Variants in CDH20 observed in about 807,000 individuals in gnomAD.
CDH20 encodes the protein cadherin 20, also known as cadherin-20.
Under a neutral mutation model 74.2 loss-of-function variants are expected in CDH20, and 29 were observed. The ratio of observed to expected loss-of-function variants is 0.39; its 90% confidence interval spans 0.29 to 0.53. CDH20 has a LOEUF of 0.53. Ranked by LOEUF, CDH20 falls within the 20% of genes least tolerant of loss-of-function variation. CDH20 has a pLI of 0.69. For missense variants in CDH20, 988 were observed against 1,048.3 expected (o/e 0.94, Z 0.79); for synonymous variants, 469 against 405.4 (o/e 1.16, Z -1.88).
intron 1 of CDH20, among the ~76,000 whole-genome samples, chr18:61,460,840 G>A (rs1195966662): frequency 2.0e-5 from 3 of 152,140 alleles, no homozygotes; most frequent in Non-Finnish European, 4.4e-5. Context: ...GACACAAATA[G>A]TGACTGTCAG....
intron 1 of CDH20, among the ~76,000 whole-genome samples, chr18:61,426,391 ACCTTCAAAG>A (rs1173635640): frequency 6.6e-6 from 1 of 152,148 alleles, no homozygotes; most frequent in Non-Finnish European, 1.5e-5. Flanking sequence ...TTTGAAAATG[ACCTTCAAAG>A]CCTTAGGGGA....
In CDH20 at chr18:61,469,229, C is replaced by A. The variant is rs1023614251; in HGVS notation, c.-152-21173C>A. ...CAAATGAATAAAGCTAAAACCATTGCTCTGGCTGGTTATTTCCAAGCAAAG... is the reference window on the plus strand; with the variant it reads ...CAAATGAATAAAGCTAAAACCATTGATCTGGCTGGTTATTTCCAAGCAAAG... On this transcript the variant is annotated intron_variant, in intron 1 of 11. Transcript: ENST00000262717. Among the ~76,000 whole-genome samples, 4 of 152,088 alleles carry A rather than the reference C, an allele frequency of 2.6e-5. No individual in the cohort carries two copies. The South Asian group carries it at 8.3e-4, about 32-fold the overall frequency.
chr18:61,342,245 A>AAAAT (rs1209179511), intron 1 of CDH20, among the ~76,000 whole-genome samples: 4 of 152,230 alleles, frequency 2.6e-5, no homozygotes, highest in African/African-American at 9.6e-5. Context: ...ACAGAGCAAA[A>AAAAT]AAATAAATAA....
At chr18:61,435,163 G>A (rs1394900080) in intron 1 of CDH20, among the ~76,000 whole-genome samples, 3 of 152,054 alleles carry the variant, frequency 2.0e-5, no homozygotes, top group Non-Finnish European at 4.4e-5. Context: ...GGGAAAAAGA[G>A]TTATTCAGGT....
chr18:61,450,884 A>T (rs1422617056), intron 1 of CDH20, among the ~76,000 whole-genome samples: 1 of 152,072 alleles, frequency 6.6e-6, no homozygotes, highest in Non-Finnish European at 1.5e-5. Flanking sequence ...GTGTTGGTGA[A>T]CACTTACATT....
intron 1 of CDH20, among the ~76,000 whole-genome samples, chr18:61,375,329 T>G (rs1911184428): frequency 6.6e-6 from 1 of 152,228 alleles, no homozygotes; most frequent in Admixed American, 6.5e-5. Flanking sequence ...CATGCAGCGC[T>G]GAATTCTGCA....
chr18:61,460,987 A>T (rs1050489130), intron 1 of CDH20, among the ~76,000 whole-genome samples: 1 of 152,182 alleles, frequency 6.6e-6, no homozygotes, highest in African/African-American at 2.4e-5. Context: ...GAATTATATG[A>T]CATTGTTATT....
chr18:61,440,868 G>A (rs568599160), intron 1 of CDH20, among the ~76,000 whole-genome samples: 1 of 152,122 alleles, frequency 6.6e-6, no homozygotes, highest in Non-Finnish European at 1.5e-5. Flanking sequence ...AGGTCACAAG[G>A]CCAACCCAAA....
intron 1 of CDH20, among the ~76,000 whole-genome samples, chr18:61,478,921 C>CA (rs1910489576): frequency 6.6e-6 from 1 of 151,750 alleles, no homozygotes; most frequent in African/African-American, 2.4e-5. Flanking sequence ...TGTGAAACTG[C>CA]AATTGAAAGA....
At chr18:61,379,953 A>G (rs931763042) in intron 1 of CDH20, among the ~76,000 whole-genome samples, 12 of 152,224 alleles carry the variant, frequency 7.9e-5, no homozygotes, top group Admixed American at 6.5e-4. Context: ...CAAGGCAATA[A>G]GCAAAGTGTT....
chr18:61,545,245 A>C, intron 10 of CDH20, 101 bp downstream of exon 10: 1 of 778,266 alleles, frequency 1.3e-6, no homozygotes, highest in South Asian at 1.4e-5. Context: ...TACCTGTTCC[A>C]TACCAGCAGG....
chr18:61,493,197 A>G (rs906468455), intron 2 of CDH20, among the ~76,000 whole-genome samples: 2 of 151,940 alleles, frequency 1.3e-5, no homozygotes, highest in Non-Finnish European at 2.9e-5. Flanking sequence ...TTCACGTGCA[A>G]TCGGTCCCCA....
intron 11 of CDH20, among the ~76,000 whole-genome samples, chr18:61,551,131 T>C (rs1913418322): frequency 6.6e-6 from 1 of 152,226 alleles, no homozygotes; most frequent in South Asian, 2.1e-4. Context: ...CTCCCTGGTA[T>C]GTAAGGCCAT....
chr18:61,432,331 C>G lies in CDH20; in HGVS notation c.-152-58071C>G, dbSNP rs536631229. ...CTGCCCTGACCAGCATGCTTTTCGTCTGTTCTCCCACACATATTTCCCAGC... is the reference window on the plus strand; with the variant it reads ...CTGCCCTGACCAGCATGCTTTTCGTGTGTTCTCCCACACATATTTCCCAGC... On this transcript the variant is annotated intron_variant, in intron 1 of 11. Transcript: ENST00000262717. Among the ~76,000 whole-genome samples the G allele has an allele frequency of 3.9e-5, 6 of 151,984 alleles. No individual in the cohort carries two copies. The South Asian group carries it at 8.3e-4, about 21-fold the overall frequency.
At chr18:61,514,527 G>C (rs1320329871) in intron 6 of CDH20, among the ~76,000 whole-genome samples, 1 of 151,946 alleles carries the variant, frequency 6.6e-6, no homozygotes, top group African/African-American at 2.4e-5. Context: ...ATCCAGCTTT[G>C]TTCCGTTGCT....
chr18:61,447,900 A>C (rs1024792722), intron 1 of CDH20, among the ~76,000 whole-genome samples: 2 of 152,142 alleles, frequency 1.3e-5, no homozygotes, highest in Non-Finnish European at 2.9e-5. Context: ...CTGCCACTGC[A>C]ACAGATGTCC....
At chr18:61,405,212 G>C in intron 1 of CDH20, 1 of 423,372 alleles carries the variant, frequency 2.4e-6, no homozygotes. Context: ...CCATCTTTCT[G>C]CCTTAGGTGT....
At chr18:61,424,719 G>A (rs1913009112) in intron 1 of CDH20, among the ~76,000 whole-genome samples, 1 of 152,022 alleles carries the variant, frequency 6.6e-6, no homozygotes, top group Admixed American at 6.5e-5. Context: ...AGTATCATTG[G>A]GATAATATTG....
chr18:61,521,049 C>G (rs930324298), intron 6 of CDH20, among the ~76,000 whole-genome samples: 1 of 150,418 alleles, frequency 6.6e-6, no homozygotes, highest in African/African-American at 2.5e-5. Flanking sequence ...CAAAAGCTAG[C>G]AGAAGACAAG....
Sources: allele counts gnomAD v4.1 joint callset (sites outside exome capture counted in the v4.1 genomes callset), GRCh38; gene constraint gnomAD v4.1.1; transcripts MANE v1.5; gene names NCBI Gene and HGNC (gene_info 2026-07-23, HGNC 2026-07-21).